Variants in CDH12 observed in about 807,000 individuals in gnomAD.
CDH12 encodes the protein cadherin-12.
In CDH12, 41 loss-of-function variants were observed where a neutral mutation model predicts 74.1. The ratio of observed to expected loss-of-function variants is 0.55; its 90% CI spans 0.43 to 0.72. CDH12 has a LOEUF of 0.72. Ranked by LOEUF, CDH12 falls within the 30% of genes least tolerant of loss-of-function variation. The pLI is 0.00. For missense variants in CDH12, 945 were observed against 977.2 expected (o/e 0.97, Z 0.44); for synonymous variants, 399 against 355.0 (o/e 1.12, Z -1.39).
intron 1 of CDH12, among the ~76,000 whole-genome samples, chr5:22,730,347 C>T (rs752933895): frequency 7.9e-5 from 12 of 151,550 alleles, no homozygotes; most frequent in Non-Finnish European, 1.5e-4. Flanking sequence ...TGTTTTGCCC[C>T]GAGATCAGTT....
intron 6 of CDH12, among the ~76,000 whole-genome samples, chr5:21,880,433 C>T (rs1235940648): frequency 6.7e-6 from 1 of 150,004 alleles, no homozygotes; most frequent in Non-Finnish European, 1.5e-5. Context: ...ATATACAATG[C>T]TTTTCCTTCC....
intron 1 of CDH12, among the ~76,000 whole-genome samples, chr5:22,559,192 C>G (rs908002558): frequency 6.6e-6 from 1 of 151,982 alleles, no homozygotes; most frequent in Non-Finnish European, 1.5e-5. Context: ...TACCCCATAA[C>G]ACAACATGAA....
At chr5:22,747,537 T>C (rs1434024001) in intron 1 of CDH12, among the ~76,000 whole-genome samples, 1 of 134,418 alleles carries the variant, frequency 7.4e-6, no homozygotes, top group Non-Finnish European at 1.5e-5. Flanking sequence ...ATCTGGGAGG[T>C]GGAGGTTGCA....
chr5:22,070,618 C>G (rs558730761), intron 5 of CDH12, among the ~76,000 whole-genome samples: 2 of 152,108 alleles, frequency 1.3e-5, no homozygotes, highest in Non-Finnish European at 2.9e-5. Context: ...CCAGGTCATC[C>G]GATTAGAGGC....
At chr5:22,755,508 C>A (rs912543112) in intron 1 of CDH12, among the ~76,000 whole-genome samples, 5 of 152,076 alleles carry the variant, frequency 3.3e-5, no homozygotes, top group African/African-American at 1.2e-4. Context: ...TTTACTATCA[C>A]GAGCAAAGTA....
chr5:22,691,763 C>A (rs1259373065), intron 1 of CDH12, among the ~76,000 whole-genome samples: 1 of 152,094 alleles, frequency 6.6e-6, no homozygotes, highest in Non-Finnish European at 1.5e-5. Context: ...TTACCCTATC[C>A]CCCACACTAA....
At chr5:22,482,315 A>G (rs2662486) in intron 2 of CDH12, among the ~76,000 whole-genome samples, 145,071 of 152,192 alleles carry the variant, frequency 0.95, 69,267 homozygotes, top group African/African-American at 0.99. Context: ...AATCAGGTCT[A>G]TAAAGGACCT....
At chr5:21,941,607 T>G (rs1034407009) in intron 6 of CDH12, among the ~76,000 whole-genome samples, 7 of 151,958 alleles carry the variant, frequency 4.6e-5, no homozygotes, top group African/African-American at 1.5e-4. Context: ...AGCTGAATTC[T>G]AAGAACTATT....
At chr5:21,913,598 T>A (rs1465841822) in intron 6 of CDH12, among the ~76,000 whole-genome samples, 2 of 152,114 alleles carry the variant, frequency 1.3e-5, no homozygotes, top group Non-Finnish European at 2.9e-5. Flanking sequence ...TTAACATTAA[T>A]CACACATATA....
chr5:22,775,919 T>A (rs1371172445), intron 1 of CDH12, among the ~76,000 whole-genome samples: 1 of 152,030 alleles, frequency 6.6e-6, no homozygotes, highest in Non-Finnish European at 1.5e-5. Context: ...AGTGAATAAG[T>A]CCCTTGAGAT....
chr5:22,382,168 TTATA>T (rs1167111047), intron 3 of CDH12, among the ~76,000 whole-genome samples: 1 of 145,712 alleles, frequency 6.9e-6, no homozygotes, highest in Admixed American at 7.0e-5. Flanking sequence ...TACTATTTTA[TTATA>T]TATTTATAAT....
chr5:21,969,793 T>C (rs1366153131), intron 6 of CDH12, among the ~76,000 whole-genome samples: 2 of 152,088 alleles, frequency 1.3e-5, no homozygotes, highest in African/African-American at 4.8e-5. Flanking sequence ...ATAATAAAAG[T>C]AACCATCATC....
intron 4 of CDH12, among the ~76,000 whole-genome samples, chr5:22,190,625 C>T (rs944030308): frequency 6.6e-6 from 1 of 152,118 alleles, no homozygotes; most frequent in African/African-American, 2.4e-5. Flanking sequence ...CTGTGAGTTC[C>T]TCCTCTTATC....
chr5:22,008,342 G>A (rs1737086441), intron 5 of CDH12, among the ~76,000 whole-genome samples: 1 of 151,886 alleles, frequency 6.6e-6, no homozygotes, highest in Non-Finnish European at 1.5e-5. Context: ...CAAATCTCCT[G>A]CCTCAGTCTC....
chr5:22,780,415 T>G (rs1424787941), intron 1 of CDH12, among the ~76,000 whole-genome samples: 2 of 152,060 alleles, frequency 1.3e-5, no homozygotes, highest in Non-Finnish European at 2.9e-5. Flanking sequence ...AGAAGTTTAA[T>G]TGACTCATAT....
At chr5:22,851,974 C>G (rs1055936884) in intron 1 of CDH12, among the ~76,000 whole-genome samples, 1 of 152,132 alleles carries the variant, frequency 6.6e-6, no homozygotes, top group Non-Finnish European at 1.5e-5. Flanking sequence ...GAAGATCAAG[C>G]AAACTAATAC....
chr5:22,268,128 CG>C (rs947862581), intron 3 of CDH12, among the ~76,000 whole-genome samples: 1 of 151,852 alleles, frequency 6.6e-6, no homozygotes, highest in Non-Finnish European at 1.5e-5. Context: ...GGTGAAGGAA[CG>C]TGTGTTTGCA....
At chr5:22,103,172 C>T (rs538863067) in intron 4 of CDH12, among the ~76,000 whole-genome samples, 4 of 152,262 alleles carry the variant, frequency 2.6e-5, no homozygotes, top group East Asian at 1.9e-4. Flanking sequence ...CTTCTAATCT[C>T]GGATCTTGAA....
At chr5:22,779,037 C>T (rs1015561336) in intron 1 of CDH12, among the ~76,000 whole-genome samples, 3 of 152,186 alleles carry the variant, frequency 2.0e-5, no homozygotes, top group South Asian at 4.1e-4. Context: ...TTGATATTTA[C>T]TAAAAAACTA....
Sources: gnomAD v4.1 joint callset for allele counts (sites outside exome capture counted in the v4.1 genomes callset) on GRCh38, gnomAD v4.1.1 for gene constraint, MANE v1.5 for transcripts, NCBI Gene and HGNC (gene_info 2026-07-23, HGNC 2026-07-21) for gene names.